Variants in SCN10A observed in about 807,000 individuals in gnomAD.
SCN10A encodes sodium voltage-gated channel alpha subunit 10, also known as sodium channel protein type 10 subunit alpha.
In SCN10A, 162 loss-of-function variants were observed where a neutral mutation model predicts 170.7. The ratio of observed to expected loss-of-function variants is 0.95; its 90% CI spans 0.84 to 1.08. The LOEUF (loss-of-function observed/expected upper bound fraction) is 1.08, where lower values mean the gene tolerates loss of function less well. Among genes scored for constraint, SCN10A ranks in the 50% least tolerant of loss-of-function variants. The pLI, the probability that SCN10A is intolerant of heterozygous loss-of-function variation, is 0.00. For missense variants in SCN10A, 2,527 were observed against 2,436.9 expected (o/e 1.04, Z -0.78); for synonymous variants, 985 against 904.6 (o/e 1.09, Z -1.59).
At chr3:38,781,042 C>G (rs896856106) in intron 4 of SCN10A, among the ~76,000 whole-genome samples, 2 of 152,118 alleles carry the variant, frequency 1.3e-5, no homozygotes, top group Non-Finnish European at 2.9e-5. Context: ...AAAGGTGAAA[C>G]AGCTCCATAA....
intron 4 of SCN10A, among the ~76,000 whole-genome samples, chr3:38,778,709 C>T: frequency 6.6e-6 from 1 of 151,946 alleles, no homozygotes; most frequent in East Asian, 1.9e-4. Flanking sequence ...TCTTTGGAGC[C>T]CCAGTCTATC....
intron 4 of SCN10A, among the ~76,000 whole-genome samples, chr3:38,786,817 A>G (rs2064210468): frequency 6.6e-6 from 1 of 152,048 alleles, no homozygotes; most frequent in South Asian, 2.1e-4. Context: ...CTTTTCACAC[A>G]TTAGATGTTT....
chr3:38,712,049 A>G, intron 23 of SCN10A, 112 bp downstream of exon 23: 1 of 1,030,920 alleles, frequency 9.7e-7, no homozygotes, highest in Non-Finnish European at 1.5e-6. Flanking sequence ...CTCAGTTCAC[A>G]CTGAGTGCTA....
Position 38,750,141 on chromosome 3 carries a change from T to C in SCN10A, c.1799A>G (p.Tyr600Cys). Residue 600 changes from tyrosine to cysteine, a missense_variant, in exon 13 of 28, where the codon TAC becomes TGC. Tyr to Cys is a radical substitution (Grantham distance 194). Transcript: ENST00000449082. ...GQKKTFLSAEYLDEPFRAQRA... is the reference protein window; with the variant it reads ...GQKKTFLSAECLDEPFRAQRA... ...TTGGGCCCGGAAAGGTTCATCTAAG[T>C]ATTCTGCTGACAAGAAAGTCTTCTT... 2 of 1,613,450 alleles carry C rather than the reference T, an allele frequency of 1.2e-6. No homozygotes were observed. The highest frequency in any genetic ancestry group is 1.7e-6 in the Non-Finnish European group (2 of 1,179,566).
At chr3:38,747,858 G>T (rs2063707497) in intron 13 of SCN10A, among the ~76,000 whole-genome samples, 4 of 152,144 alleles carry the variant, frequency 2.6e-5, no homozygotes, top group Admixed American at 1.3e-4. Flanking sequence ...TTCTTGGAGA[G>T]AATTTTCCAT....
At chr3:38,809,156 T>C (rs1324787792) in intron 1 of SCN10A, among the ~76,000 whole-genome samples, 2 of 152,200 alleles carry the variant, frequency 1.3e-5, no homozygotes, top group Non-Finnish European at 2.9e-5. Context: ...CAGGTTGACT[T>C]TGCAGTAGCA....
At chr3:38,781,319 T>C (rs2064136377) in intron 4 of SCN10A, among the ~76,000 whole-genome samples, 1 of 152,044 alleles carries the variant, frequency 6.6e-6, no homozygotes, top group Non-Finnish European at 1.5e-5. Context: ...CTACTACAGC[T>C]TTCTGAATCC....
intron 12 of SCN10A, 84 bp from the exon 13 acceptor site, chr3:38,750,268 C>A: frequency 1.4e-6 from 1 of 703,484 alleles, no homozygotes; most frequent in South Asian, 1.7e-5. Context: ...TCTTATTGGC[C>A]AATCTCATAT....
chr3:38,752,883 A>G (rs1356023887), intron 11 of SCN10A, among the ~76,000 whole-genome samples: 1 of 152,214 alleles, frequency 6.6e-6, no homozygotes, highest in Non-Finnish European at 1.5e-5. Context: ...TTCCACATGC[A>G]AAGTTGTGAC....
intron 15 of SCN10A, 26 bp downstream of exon 15, chr3:38,739,489 C>G (rs778233737): frequency 2.5e-6 from 4 of 1,604,656 alleles, no homozygotes; most frequent in Non-Finnish European, 3.4e-6. Context: ...GGGAGTTTCC[C>G]CAAGCCATCA....
rs59733668 is a variant in SCN10A, at chr3:38,723,167, G to T, written c.3352+263C>A. Among the ~76,000 whole-genome samples the T allele has an allele frequency of 0.071, 10,729 of 152,184 alleles. 1,069 individuals carry two copies. The highest frequency in any genetic ancestry group is 0.22 in the African/African-American group (8,995 of 41,498). ...CTTTCAACTCAAGAGGGCTGGTTTAGAACTCACGGAGGGGTTTTTGAGGGT... is the reference window on the plus strand; with the variant it reads ...CTTTCAACTCAAGAGGGCTGGTTTATAACTCACGGAGGGGTTTTTGAGGGT... On this transcript the variant is annotated intron_variant, in intron 19 of 27. Coordinates refer to ENST00000449082, the MANE Select transcript of SCN10A (RefSeq NM_006514.4).
At chr3:38,815,787 A>C (rs574125167) in intron 1 of SCN10A, among the ~76,000 whole-genome samples, 1 of 152,374 alleles carries the variant, frequency 6.6e-6, no homozygotes, top group African/African-American at 2.4e-5. Flanking sequence ...AGAAATTGAT[A>C]GCTTTTGGAT....
Position 38,697,310 on chromosome 3 carries a change from C to T in SCN10A, c.*39G>A, listed in dbSNP as rs761448083. The T allele has an allele frequency of 1.6e-5, 26 of 1,599,482 alleles. No homozygotes were observed. The highest frequency in any genetic ancestry group is 4.5e-5 in the South Asian group (4 of 89,084). On this transcript the variant is annotated 3_prime_UTR_variant, in exon 28 of 28. Coordinates refer to ENST00000449082, the MANE Select transcript of SCN10A (RefSeq NM_006514.4). Reference sequence around the variant, plus strand: ...AAAGAGTTAACACAGAGCAGAAGGACGCATCATAACTGAACATATCCAGGC... The same window carrying T: ...AAAGAGTTAACACAGAGCAGAAGGATGCATCATAACTGAACATATCCAGGC...
rs1241944447 is a variant in SCN10A, at chr3:38,752,288, G to T, written c.1686C>A (p.Ser562=). 1.2e-6 allele frequency: 2 copies of T among 1,603,662 alleles called. No individual in the cohort carries two copies. Among genetic ancestry groups the T allele is most frequent in the African/African-American group, 2.7e-5 (2 of 74,424 alleles). Residue 562 remains serine, a synonymous_variant, in exon 12 of 28, where the codon TCC becomes TCA. Transcript: ENST00000449082. Reference sequence around the variant, plus strand: ...GTTGGTGTTCATCTTCTCCATGCCTGGAGTCAGGGTTGCTGGGTTGAGGAA... The same window carrying T: ...GTTGGTGTTCATCTTCTCCATGCCTTGAGTCAGGGTTGCTGGGTTGAGGAA... ...SPLPQPSNPD[S]RHGEDEHQPP...
chr3:38,767,193 T>C (rs2063942366), intron 5 of SCN10A, among the ~76,000 whole-genome samples: 1 of 151,932 alleles, frequency 6.6e-6, no homozygotes, highest in South Asian at 2.1e-4. Flanking sequence ...CGCTTTTTGT[T>C]TCACTTATCT....
At chr3:38,756,398 C>T (rs1304758532) in intron 10 of SCN10A, among the ~76,000 whole-genome samples, 1 of 152,106 alleles carries the variant, frequency 6.6e-6, no homozygotes, top group East Asian at 1.9e-4. Flanking sequence ...AAGCTGGTCT[C>T]TAGCTGAGAA....
intron 13 of SCN10A, among the ~76,000 whole-genome samples, chr3:38,748,441 C>T (rs1034436242): frequency 3.3e-5 from 5 of 152,212 alleles, no homozygotes; most frequent in Non-Finnish European, 7.3e-5. Flanking sequence ...CAAGTCCTCA[C>T]CATGGGAACT....
intron 13 of SCN10A, among the ~76,000 whole-genome samples, chr3:38,749,710 A>G (rs2063727632): frequency 6.6e-6 from 1 of 152,236 alleles, no homozygotes; most frequent in Non-Finnish European, 1.5e-5. Context: ...TAATTTTGCC[A>G]TGTTGGAAAA....
intron 4 of SCN10A, among the ~76,000 whole-genome samples, chr3:38,787,206 C>T (rs1440398304): frequency 6.6e-6 from 1 of 152,022 alleles, no homozygotes; most frequent in East Asian, 1.9e-4. Flanking sequence ...TTACACAATA[C>T]TTATTATAAT....
Sources: allele counts gnomAD v4.1 joint callset (sites outside exome capture counted in the v4.1 genomes callset), GRCh38; gene constraint gnomAD v4.1.1; transcripts MANE v1.5; gene names NCBI Gene and HGNC (gene_info 2026-07-23, HGNC 2026-07-21).